The following PDE8B variants were observed in gnomAD, a reference collection of about 807,000 sequenced individuals.
The protein encoded by PDE8B is phosphodiesterase 8B, also known as high affinity cAMP-specific and IBMX-insensitive 3',5'-cyclic phosphodiesterase 8B.
A neutral mutation model predicts 101.3 loss-of-function variants in PDE8B; 26 were observed. The observed-to-expected ratio is 0.26, with a 90% confidence interval of 0.19 to 0.36. PDE8B has a LOEUF of 0.36. PDE8B is among the 10% of genes least tolerant of loss of function. PDE8B has a pLI of 1.00. For missense variants in PDE8B, 810 were observed against 1,163.1 expected (o/e 0.70, Z 4.42); for synonymous variants, 424 against 429.3 (o/e 0.99, Z 0.15).
At chr5:77,370,855 A>G (rs928532571) in intron 10 of PDE8B, among the ~76,000 whole-genome samples, 3 of 152,230 alleles carry the variant, frequency 2.0e-5, no homozygotes, top group Non-Finnish European at 4.4e-5. Context: ...CCATTTTATT[A>G]GGTGTGCAGG....
At chr5:77,377,324 T>G (rs1434648220) in intron 10 of PDE8B, among the ~76,000 whole-genome samples, 1 of 152,180 alleles carries the variant, frequency 6.6e-6, no homozygotes, top group Non-Finnish European at 1.5e-5. Flanking sequence ...CTCGTGCTTC[T>G]CAAAGGATGG....
At chr5:77,312,105 C>CA in intron 2 of PDE8B, 52 bp downstream of exon 2, 3 of 871,010 alleles carry the variant, frequency 3.4e-6, no homozygotes, top group Non-Finnish European at 5.2e-6. Flanking sequence ...TTTTTTTTTT[C>CA]TTTTTTTTTT....
At chr5:77,108,562 A>G in the PDE8B span, among the ~76,000 whole-genome samples, 1 of 152,162 alleles carries the variant, frequency 6.6e-6, no homozygotes, top group Non-Finnish European at 1.5e-5. Context: ...GCACGCCTCT[A>G]GTCCCAGCTA....
intron 2 of PDE8B, among the ~76,000 whole-genome samples, chr5:77,314,805 C>G (rs945007977): frequency 6.6e-6 from 1 of 152,038 alleles, no homozygotes; most frequent in South Asian, 2.1e-4. Context: ...CTCTTACCAG[C>G]AATATGAGAT....
At chr5:77,424,084 C>T (rs1168388300) in intron 20 of PDE8B, among the ~76,000 whole-genome samples, 1 of 152,024 alleles carries the variant, frequency 6.6e-6, no homozygotes, top group Non-Finnish European at 1.5e-5. Flanking sequence ...CTGAGCTTTC[C>T]AGAGAGAAGA....
chr5:77,305,009 G>A (rs1770857103), intron 1 of PDE8B, among the ~76,000 whole-genome samples: 2 of 152,130 alleles, frequency 1.3e-5, no homozygotes, highest in South Asian at 4.1e-4. Flanking sequence ...TTCCACCGGT[G>A]TTTGTTGAGT....
At chr5:77,411,562 T>A (rs1360842458) in intron 14 of PDE8B, 114 bp from the exon 15 acceptor site, 1 of 814,188 alleles carries the variant, frequency 1.2e-6, no homozygotes, top group African/African-American at 1.7e-5. Flanking sequence ...CAACTTAGAC[T>A]TCCAGATTGG....
chr5:77,145,140 A>T, the PDE8B span: 1 of 152,056 alleles, frequency 6.6e-6, no homozygotes, highest in African/African-American at 2.4e-5. Context: ...CCTATATCTA[A>T]GTCTTTTAAA....
chr5:77,319,123 T>A (rs1774459353), intron 2 of PDE8B, among the ~76,000 whole-genome samples: 2 of 152,234 alleles, frequency 1.3e-5, no homozygotes, highest in South Asian at 2.1e-4. Flanking sequence ...CAGGTATCTC[T>A]TGCTTTGTAC....
chr5:77,103,884 T>C, the PDE8B span, among the ~76,000 whole-genome samples: 3 of 152,228 alleles, frequency 2.0e-5, no homozygotes, highest in South Asian at 2.1e-4. Context: ...AGAGTTATGA[T>C]AAAGATTTGA....
At position 77,286,559 on chromosome 5, in the gene PDE8B, G is replaced by A. The variant is rs138953882; in HGVS notation, c.340-25435G>A. ...TCCAAATCTGCCTGCTTTTGTTCACGCTCCAGAGCCCTTAGGTTGTCATTT... is the reference window on the plus strand; with the variant it reads ...TCCAAATCTGCCTGCTTTTGTTCACACTCCAGAGCCCTTAGGTTGTCATTT... On this transcript the variant is annotated intron_variant, in intron 1 of 21. Coordinates refer to ENST00000264917, the MANE Select transcript of PDE8B (RefSeq NM_003719.5). 1.8e-3 allele frequency among the ~76,000 whole-genome samples: 274 copies of A among 152,026 alleles called. 1 individual carries two copies. The highest frequency in any genetic ancestry group is 5.8e-3 in the African/African-American group (242 of 41,494).
the PDE8B span, among the ~76,000 whole-genome samples, chr5:77,187,131 T>C: frequency 2.0e-5 from 3 of 152,204 alleles, no homozygotes; most frequent in African/African-American, 7.2e-5. Context: ...TGATAATACA[T>C]GTGTTTAGTT....
At chr5:77,270,682 G>A (rs989439949) in intron 1 of PDE8B, among the ~76,000 whole-genome samples, 3 of 152,198 alleles carry the variant, frequency 2.0e-5, no homozygotes, top group Non-Finnish European at 4.4e-5. Flanking sequence ...GATTTTTCCG[G>A]GCTCTTGTTA....
chr5:77,167,358 A>T, the PDE8B span, among the ~76,000 whole-genome samples: 1 of 152,242 alleles, frequency 6.6e-6, no homozygotes, highest in Non-Finnish European at 1.5e-5. Flanking sequence ...GGTGCTTAAC[A>T]CTTTGAGAAA....
At chr5:77,172,939 T>C in the PDE8B span, among the ~76,000 whole-genome samples, 1 of 152,242 alleles carries the variant, frequency 6.6e-6, no homozygotes, top group Non-Finnish European at 1.5e-5. Context: ...TGGTTTGTAA[T>C]GCATATTTCT....
chr5:77,263,262 G>A (rs893824212), intron 1 of PDE8B, among the ~76,000 whole-genome samples: 1 of 152,204 alleles, frequency 6.6e-6, no homozygotes, highest in Non-Finnish European at 1.5e-5. Context: ...TGTCTTTAAT[G>A]AATTAAGATC....
At chr5:77,147,130 G>A in the PDE8B span, 1 of 287,498 alleles carries the variant, frequency 3.5e-6, no homozygotes, top group Admixed American at 4.4e-5. Context: ...AGGAAGAAGA[G>A]GAAGATGAAG....
At chr5:77,150,129 G>T in the PDE8B span, among the ~76,000 whole-genome samples, 3 of 152,152 alleles carry the variant, frequency 2.0e-5, no homozygotes, top group Admixed American at 6.6e-5. Context: ...CACTTTACCA[G>T]TGTCCATATA....
the PDE8B span, among the ~76,000 whole-genome samples, chr5:77,186,188 G>A: frequency 6.6e-6 from 1 of 152,140 alleles, no homozygotes; most frequent in Non-Finnish European, 1.5e-5. Flanking sequence ...AGCTCCCAGG[G>A]CTTCCCTGGT....
Sources: allele counts gnomAD v4.1 joint callset (sites outside exome capture counted in the v4.1 genomes callset), GRCh38; gene constraint gnomAD v4.1.1; transcripts MANE v1.5; gene names NCBI Gene and HGNC (gene_info 2026-07-23, HGNC 2026-07-21).